The following OSBPL3 variants were observed in gnomAD, a reference collection of about 807,000 sequenced individuals.
OSBPL3 encodes the protein oxysterol binding protein like 3.
Under a neutral mutation model 120.1 loss-of-function variants are expected in OSBPL3, and 65 were observed. The ratio of observed to expected loss-of-function variants is 0.54; its 90% CI spans 0.44 to 0.67. The LOEUF is 0.67. Ranked by LOEUF, OSBPL3 falls within the 30% of genes least tolerant of loss-of-function variation. OSBPL3 has a pLI of 0.00. For synonymous variants in OSBPL3, 416 were observed against 402.6 expected (o/e 1.03, Z -0.40); for missense variants, 1,004 against 1,082.1 (o/e 0.93, Z 1.01).
chr7:24,832,223 A>G (rs1373172940), intron 15 of OSBPL3, among the ~76,000 whole-genome samples: 5 of 149,768 alleles, frequency 3.3e-5, no homozygotes, highest in East Asian at 2.0e-4. Flanking sequence ...AAAAAAAAAA[A>G]AAGAAGGGCC....
intron 1 of OSBPL3, among the ~76,000 whole-genome samples, chr7:24,973,920 T>C (rs960305506): frequency 1.3e-5 from 2 of 152,294 alleles, no homozygotes; most frequent in South Asian, 2.1e-4. Flanking sequence ...TGAAATGTAA[T>C]AGGAGCCATA....
At chr7:24,971,484 G>A (rs1031091167) in intron 1 of OSBPL3, among the ~76,000 whole-genome samples, 7 of 152,326 alleles carry the variant, frequency 4.6e-5, no homozygotes, top group Non-Finnish European at 5.9e-5. Context: ...GACACATCTC[G>A]CAGCAGACTC....
At chr7:24,923,882 T>C (rs1247310085) in intron 1 of OSBPL3, among the ~76,000 whole-genome samples, 1 of 152,110 alleles carries the variant, frequency 6.6e-6, no homozygotes, top group Non-Finnish European at 1.5e-5. Flanking sequence ...CAATCAACCC[T>C]CTCTTACCTG....
At position 24,940,327 on chromosome 7, in the gene OSBPL3, A is replaced by G. The variant is rs1355228938; in HGVS notation, c.-150+39559T>C. On this transcript the variant is annotated intron_variant, in intron 1 of 22. Coordinates refer to ENST00000313367, the MANE Select transcript of OSBPL3 (RefSeq NM_015550.4). This position sits in a 1 kb window ranked among gnomAD's most constrained non-coding sequence, Gnocchi z 4.4. The stretch of plus-strand genomic sequence containing the variant: ...CTGTTGTGTTGAAACACAGTTGGAG[A>G]AAGAAATGAATCCTATAGAAGATCA... Among the ~76,000 whole-genome samples the G allele has an allele frequency of 1.3e-5, 2 of 152,154 alleles. No homozygotes were observed.
rs113612398 is a variant in OSBPL3, at chr7:24,916,918, AC to A, written c.-149-24298del. ...AGCCACTAAGACGTCTTCCATTTCC[AC>A]CCCCCCCAACCTTTTTAGAAAATTA... On this transcript the variant is annotated intron_variant, in intron 1 of 22. Coordinates refer to ENST00000313367, the MANE Select transcript of OSBPL3 (RefSeq NM_015550.4). This position sits in a 1 kb window ranked among gnomAD's most constrained non-coding sequence, Gnocchi z 4.9. Among the ~76,000 whole-genome samples the A allele has an allele frequency of 1.4e-5, 2 of 145,594 alleles. No individual in the cohort carries two copies. Among genetic ancestry groups the A allele is most frequent in the African/African-American group, 2.5e-5 (1 of 39,910 alleles).
At chr7:24,800,937 CTTT>C (rs56365128) in intron 22 of OSBPL3, among the ~76,000 whole-genome samples, 2 of 138,788 alleles carry the variant, frequency 1.4e-5, no homozygotes, top group Non-Finnish European at 3.1e-5. Flanking sequence ...AAGTGGTTAA[CTTT>C]TTTTTTTTTT....
intron 19 of OSBPL3, among the ~76,000 whole-genome samples, chr7:24,810,898 T>C (rs1793716108): frequency 6.6e-6 from 1 of 152,262 alleles, no homozygotes; most frequent in Non-Finnish European, 1.5e-5. Context: ...TGTGTTAATA[T>C]GTACCACATT....
chr7:24,906,008 G>C (rs1807853403), intron 1 of OSBPL3: 1 of 152,364 alleles, frequency 6.6e-6, no homozygotes, highest in South Asian at 2.1e-4. Context: ...CTCCAGCTTG[G>C]GTCAGACTCC....
rs1289281524 is a variant in OSBPL3, at chr7:24,881,063, C to G, written c.97-8994G>C. On this transcript the variant is annotated intron_variant, in intron 2 of 22. Coordinates refer to ENST00000313367, the MANE Select transcript of OSBPL3 (RefSeq NM_015550.4). The surrounding 1 kb of genome is among the most constrained non-coding windows in gnomAD (Gnocchi z 4.3). ...CAAGGAGACCCACTGCTTTGCTGGA[C>G]AGCACCAGCTGAGAACAGTGCTCTC... 6.6e-6 allele frequency among the ~76,000 whole-genome samples: 1 copy of G among 152,216 alleles called. No homozygotes were observed. The highest frequency in any genetic ancestry group is 1.5e-5 in the Non-Finnish European group (1 of 68,036).
At chr7:24,962,903 T>A (rs1815951105) in intron 1 of OSBPL3, among the ~76,000 whole-genome samples, 1 of 152,202 alleles carries the variant, frequency 6.6e-6, no homozygotes, top group Non-Finnish European at 1.5e-5. Flanking sequence ...TAAAACCCTT[T>A]ATAGGAATAA....
At chr7:24,903,412 C>T (rs1807361256) in intron 1 of OSBPL3, among the ~76,000 whole-genome samples, 1 of 152,210 alleles carries the variant, frequency 6.6e-6, no homozygotes. Flanking sequence ...TGAAGTTCAC[C>T]GATAGACAAT....
intron 1 of OSBPL3, among the ~76,000 whole-genome samples, chr7:24,897,572 G>A (rs372496633): frequency 4.5e-4 from 69 of 152,070 alleles, no homozygotes; most frequent in Non-Finnish European, 7.2e-4. Context: ...TGATCCGCCC[G>A]CCTCGGCCTC....
intron 1 of OSBPL3, among the ~76,000 whole-genome samples, chr7:24,970,298 G>T (rs563193410): frequency 1.1e-3 from 160 of 152,048 alleles, no homozygotes; most frequent in Non-Finnish European, 2.1e-3. Context: ...GTAGAGACTT[G>T]GTTTCACCAC....
chr7:24,979,980 C>T lies in OSBPL3; in HGVS notation c.-244G>A. On this transcript the variant is annotated 5_prime_UTR_variant, in exon 1 of 23. Coordinates refer to ENST00000313367, the MANE Select transcript of OSBPL3 (RefSeq NM_015550.4). Reference sequence around the variant, plus strand: ...CGGGAGAAGGCAACCCCGGCTTCTCCGGTACCCCCGCAACGTGCAGCTGAC... The same window carrying T: ...CGGGAGAAGGCAACCCCGGCTTCTCTGGTACCCCCGCAACGTGCAGCTGAC... 1.0e-6 allele frequency: 1 copy of T among 985,322 alleles called. No individual in the cohort carries two copies. Among genetic ancestry groups the T allele is most frequent in the Non-Finnish European group, 1.2e-6 (1 of 829,966 alleles). The allele number at this position is 985,322 out of a possible 1,614,324, so 61.0% of individuals were successfully genotyped here.
rs1812631134 is a variant in OSBPL3, at chr7:24,938,091, G to A, written c.-150+41795C>T. On this transcript the variant is annotated intron_variant, in intron 1 of 22. Coordinates refer to ENST00000313367, the MANE Select transcript of OSBPL3 (RefSeq NM_015550.4). This position sits in a 1 kb window ranked among gnomAD's most constrained non-coding sequence, Gnocchi z 5.8. ...AATATACAAGGGCTTATTTGCTATG[G>A]GCTGAAAGTTTCTGTCCCGCCAAAA... Among the ~76,000 whole-genome samples the A allele has an allele frequency of 6.6e-6, 1 of 152,140 alleles. No homozygotes were observed. Among genetic ancestry groups the A allele is most frequent in the South Asian group, 2.1e-4 (1 of 4,810 alleles).
chr7:24,825,269 A>T (rs1024903782), intron 16 of OSBPL3, among the ~76,000 whole-genome samples: 1 of 152,210 alleles, frequency 6.6e-6, no homozygotes, highest in Non-Finnish European at 1.5e-5. Flanking sequence ...TGGGAGAGAA[A>T]GTGAAAATGG....
chr7:24,843,527 AG>A (rs1798036924), intron 12 of OSBPL3, among the ~76,000 whole-genome samples: 1 of 152,284 alleles, frequency 6.6e-6, no homozygotes, highest in South Asian at 2.1e-4. Flanking sequence ...TCTCATAGGG[AG>A]GGGATGCTAT....
chr7:24,849,140 G>C lies in OSBPL3; in HGVS notation c.1195C>G (p.Arg399Gly). ...AQNTDLKERL[R>G]RIHAESLLLD... is the part of the protein sequence containing the mutation. Reference sequence around the variant, plus strand: ...AGCAGAGACTCGGCATGGATTCTGCGTAAGCGTTCTTTAAGATCTGTGTTT... The same window carrying C: ...AGCAGAGACTCGGCATGGATTCTGCCTAAGCGTTCTTTAAGATCTGTGTTT... The change falls in exon 12 of 23, where the codon CGC becomes GGC. Residue 399 changes from arginine to glycine, a missense_variant. Arg to Gly is a moderately radical substitution (Grantham distance 125, BLOSUM62 -2). Coordinates refer to ENST00000313367, the MANE Select transcript of OSBPL3 (RefSeq NM_015550.4). This position sits in a 1 kb window ranked among gnomAD's most constrained non-coding sequence, Gnocchi z 5.4. 1.9e-6 allele frequency: 3 copies of C among 1,614,012 alleles called. No individual in the cohort carries two copies. Among genetic ancestry groups the C allele is most frequent in the Non-Finnish European group, 2.5e-6 (3 of 1,179,878 alleles).
At position 24,820,103 on chromosome 7, in the gene OSBPL3, G is replaced by T; in HGVS notation, c.1948+72C>A. ...CTTTTGATCTCAGTAAGAATTGACA[G>T]CAATTCTTGGATAAAATAAATAGAT... On this transcript the variant is annotated intron_variant, in intron 17 of 22. Coordinates refer to ENST00000313367, the MANE Select transcript of OSBPL3 (RefSeq NM_015550.4). This position sits in a 1 kb window ranked among gnomAD's most constrained non-coding sequence, Gnocchi z 4.6. 9.0e-7 allele frequency: 1 copy of T among 1,112,218 alleles called. No homozygotes were observed. The highest frequency in any genetic ancestry group is 1.3e-6 in the Non-Finnish European group (1 of 747,348). 68.9% of individuals were successfully genotyped at this position (1,112,218 alleles called of 1,614,324 possible). A position where few individuals can be genotyped will look rare whatever the true frequency, so the allele number is the denominator to read the frequency against.
Sources: allele counts gnomAD v4.1 joint callset (sites outside exome capture counted in the v4.1 genomes callset), GRCh38; gene constraint gnomAD v4.1.1; non-coding constraint Gnocchi (gnomAD v3.1); transcripts MANE v1.5; gene names NCBI Gene and HGNC (gene_info 2026-07-23, HGNC 2026-07-21).